Variants in SLC4A4 observed in about 807,000 individuals in gnomAD.
SLC4A4 encodes solute carrier family 4 member 4.
A neutral mutation model predicts 111.5 loss-of-function variants in SLC4A4; 27 were observed. The ratio of observed to expected loss-of-function variants is 0.24; its 90% confidence interval spans 0.18 to 0.33. The LOEUF is 0.33. Among genes scored for constraint, SLC4A4 ranks in the 10% least tolerant of loss-of-function variants. SLC4A4 has a pLI of 1.00. For missense variants in SLC4A4, 909 were observed against 1,315.5 expected, an observed-to-expected ratio of 0.69 and a Z score of 4.78; for synonymous variants, 443 against 463.4, an observed-to-expected ratio of 0.96 and a Z score of 0.57.
At chr4:71,251,578 G>A (rs551712756) in intron 2 of SLC4A4, among the ~76,000 whole-genome samples, 2 of 152,258 alleles carry the variant, frequency 1.3e-5, no homozygotes, top group South Asian at 2.1e-4. Context: ...GGCATGCAGG[G>A]TATTTATTTG....
At chr4:71,432,198 C>T (rs1005032851) in intron 7 of SLC4A4, among the ~76,000 whole-genome samples, 4 of 152,100 alleles carry the variant, frequency 2.6e-5, no homozygotes, top group Admixed American at 2.0e-4. Context: ...GTATATAAAA[C>T]AGAAGAGGAT....
At chr4:71,481,580 G>T (rs979343023) in intron 14 of SLC4A4, among the ~76,000 whole-genome samples, 3 of 151,662 alleles carry the variant, frequency 2.0e-5, no homozygotes, top group Non-Finnish European at 4.4e-5. Flanking sequence ...GAAGAAGTCA[G>T]CTTAAATGCC....
At chr4:71,510,461 T>C (rs1731811060) in intron 16 of SLC4A4, among the ~76,000 whole-genome samples, 1 of 152,240 alleles carries the variant, frequency 6.6e-6, no homozygotes, top group Non-Finnish European at 1.5e-5. Context: ...TTTTTATGTC[T>C]TCTTATGAAT....
At chr4:71,559,983 C>A in intron 22 of SLC4A4, 110 bp from the exon 23 acceptor site, 1 of 828,206 alleles carries the variant, frequency 1.2e-6, no homozygotes, top group Non-Finnish European at 2.1e-6. Flanking sequence ...CATACTCTAT[C>A]TAGCCTTACA....
intron 5 of SLC4A4, among the ~76,000 whole-genome samples, chr4:71,355,710 G>A (rs1730225081): frequency 6.6e-6 from 1 of 152,176 alleles, no homozygotes; most frequent in African/African-American, 2.4e-5. Context: ...TTCTGTGAGT[G>A]TTTAGAAGAT....
Position 71,089,778 on chromosome 4 carries a change from C to T in SLC4A4, c.-64-2952C>T, listed in dbSNP as rs1269404029. On this transcript the variant is annotated intron_variant, in intron 1 of 26. Coordinates refer to the SLC4A4 transcript ENST00000649996. ...TGGAAATTTTGTCTCAGAGGAGTAC[C>T]CGGCCATGTGAGGTGTCAGTCTGCC... is the stretch of plus-strand genomic sequence containing the variant. 1.3e-5 allele frequency among the ~76,000 whole-genome samples: 2 copies of T among 151,896 alleles called. 1 individual carries two copies. The highest frequency in any genetic ancestry group is 4.8e-5 in the African/African-American group (2 of 41,258).
chr4:71,558,499 A>G (rs1736667856), intron 22 of SLC4A4, among the ~76,000 whole-genome samples: 2 of 151,980 alleles, frequency 1.3e-5, no homozygotes, highest in African/African-American at 2.4e-5. Context: ...TCTGAGTCAC[A>G]AGTGAAAGAA....
intron 2 of SLC4A4, among the ~76,000 whole-genome samples, chr4:71,154,451 T>C (rs1744404508): frequency 6.6e-6 from 1 of 152,100 alleles, no homozygotes; most frequent in South Asian, 2.1e-4. Flanking sequence ...AAATCCATGA[T>C]AATTTTAGAG....
At chr4:71,442,620 A>C (rs1724833564) in intron 8 of SLC4A4, among the ~76,000 whole-genome samples, 1 of 152,188 alleles carries the variant, frequency 6.6e-6, no homozygotes, top group Admixed American at 6.5e-5. Context: ...GACTGCATGT[A>C]CATTTCATGA....
intron 2 of SLC4A4, among the ~76,000 whole-genome samples, chr4:71,156,134 A>G (rs1009301518): frequency 3.9e-5 from 6 of 152,196 alleles, no homozygotes; most frequent in Non-Finnish European, 8.8e-5. Flanking sequence ...GCAGGGCATC[A>G]CCAGGCCAAC....
intron 2 of SLC4A4, among the ~76,000 whole-genome samples, chr4:71,142,110 A>G (rs1391265258): frequency 6.6e-6 from 1 of 152,208 alleles, no homozygotes; most frequent in African/African-American, 2.4e-5. Flanking sequence ...GAGGAGTAAG[A>G]AAACTTCTGA....
chr4:71,345,470 C>A (rs967878579), intron 4 of SLC4A4, among the ~76,000 whole-genome samples: 3 of 152,138 alleles, frequency 2.0e-5, no homozygotes, highest in African/African-American at 7.2e-5. Context: ...CAGCGTAATT[C>A]AAACTGTGCT....
intron 14 of SLC4A4, among the ~76,000 whole-genome samples, chr4:71,477,398 A>G (rs1048094384): frequency 6.6e-6 from 1 of 151,760 alleles, no homozygotes; most frequent in African/African-American, 2.4e-5. Context: ...TAATTTTCCC[A>G]TAAATTTTCC....
intron 2 of SLC4A4, among the ~76,000 whole-genome samples, chr4:71,238,159 AG>A (rs949330619): frequency 2.0e-5 from 3 of 152,190 alleles, no homozygotes; most frequent in Non-Finnish European, 4.4e-5. Flanking sequence ...AAGTAGAAAA[AG>A]CTTGGGAGTG....
intron 4 of SLC4A4, among the ~76,000 whole-genome samples, chr4:71,342,986 C>T (rs1041943257): frequency 9.2e-5 from 14 of 152,186 alleles, no homozygotes; most frequent in Non-Finnish European, 5.9e-5. Flanking sequence ...TAGGGCTTAC[C>T]GTAATTGCTG....
chr4:71,489,098 C>T lies in SLC4A4; in HGVS notation c.1974+2080C>T, dbSNP rs182673218. Among the ~76,000 whole-genome samples the T allele has an allele frequency of 1.2e-4, 18 of 151,722 alleles. 1 individual carries two copies. In the East Asian group the frequency reaches 3.5e-3, roughly 30 times the overall value. ...ATCATAATGATCAATTATTGAGGCA[C>T]CTACTAGGTGCCAGACTCTTCACAG... On this transcript the variant is annotated intron_variant, in intron 15 of 25. Coordinates refer to ENST00000264485, the MANE Select transcript of SLC4A4 (RefSeq NM_001098484.3).
At chr4:71,413,640 T>C (rs1459756531) in intron 7 of SLC4A4, among the ~76,000 whole-genome samples, 2 of 152,240 alleles carry the variant, frequency 1.3e-5, no homozygotes, top group Non-Finnish European at 2.9e-5. Flanking sequence ...AATGGTTTTC[T>C]GTCCCCATGG....
intron 1 of SLC4A4, among the ~76,000 whole-genome samples, chr4:71,190,588 G>T (rs904290819): frequency 6.6e-6 from 1 of 152,130 alleles, no homozygotes; most frequent in Non-Finnish European, 1.5e-5. Context: ...TGAGAGCCAG[G>T]TGCAGTGGTC....
intron 14 of SLC4A4, 102 bp downstream of exon 14, chr4:71,473,072 T>G: frequency 7.7e-7 from 1 of 1,301,512 alleles, no homozygotes; most frequent in Non-Finnish European, 1.1e-6. Context: ...TCCTCAGGAA[T>G]TAGTCTTGTT....
Sources: allele counts gnomAD v4.1 joint callset (sites outside exome capture counted in the v4.1 genomes callset), GRCh38; gene constraint gnomAD v4.1.1; transcripts MANE v1.5; gene names NCBI Gene and HGNC (gene_info 2026-07-23, HGNC 2026-07-21).